MGST1: variants seen among roughly 807,000 people sequenced by gnomAD.
MGST1 encodes the protein microsomal glutathione S-transferase 1.
In MGST1, 5 loss-of-function variants were observed where a neutral mutation model predicts 8.9. That is an observed-to-expected ratio of 0.56 (90% confidence interval 0.29 to 1.19). The LOEUF (loss-of-function observed/expected upper bound fraction) is 1.19, where lower values mean the gene tolerates loss of function less well. Among genes scored for constraint, MGST1 ranks in the 50% most tolerant of loss-of-function variants. MGST1 has a pLI of 0.08. For missense variants in MGST1, 182 were observed against 187.4 expected, an observed-to-expected ratio of 0.97 and a Z score of 0.17; for synonymous variants, 54 against 67.8, an observed-to-expected ratio of 0.80 and a Z score of 1.00.
At chr12:16,380,058 G>A (rs951387722), downstream of MGST1, among the ~76,000 whole-genome samples, 23 of 150,370 alleles carry the variant, frequency 1.5e-4, no homozygotes, top group African/African-American at 2.9e-4. Flanking sequence ...TCTTGCTAGC[G>A]GTCTATCAAT....
chr12:16,541,586 TTTACA>T (rs1941793798), intron 4 of MGST1, among the ~76,000 whole-genome samples: 1 of 152,086 alleles, frequency 6.6e-6, no homozygotes, highest in Non-Finnish European at 1.5e-5. Context: ...AAATACTAAC[TTTACA>T]TTAAAAAGTT....
At chr12:16,562,894 T>C (rs371795874) in intron 4 of MGST1, among the ~76,000 whole-genome samples, 12 of 152,330 alleles carry the variant, frequency 7.9e-5, no homozygotes, top group African/African-American at 2.9e-4. Flanking sequence ...ACAAAACAGT[T>C]CTCTGACGTT....
chr12:16,389,475 G>A lies in MGST1; in HGVS notation n.778+5871G>A, dbSNP rs1300322721. 2.6e-5 allele frequency among the ~76,000 whole-genome samples: 4 copies of A among 152,112 alleles called. No homozygotes were observed. Among genetic ancestry groups the A allele is most frequent in the Admixed American group, 6.5e-5 (1 of 15,274 alleles). On this transcript the variant is annotated intron_variant and non_coding_transcript_variant, in intron 1 of 1. Transcript: ENST00000359720. This position sits in a 1 kb window ranked among gnomAD's most constrained non-coding sequence, Gnocchi z 4.6. ...ATGGGTCGGGTCAAATTGACGGCAC[G>A]GAACATTGCTTACTCTTGAAATTCC...
chr12:16,512,982 C>T (rs1020737240), intron 4 of MGST1, among the ~76,000 whole-genome samples: 5 of 152,162 alleles, frequency 3.3e-5, no homozygotes, highest in African/African-American at 1.2e-4. Flanking sequence ...GATATATCCC[C>T]AACCGTCTCT....
At chr12:16,377,213 G>A (rs1401607777), downstream of MGST1, 3 of 151,630 alleles carry the variant, frequency 2.0e-5, no homozygotes, top group Non-Finnish European at 4.4e-5. Context: ...TGTTACATAT[G>A]TATACATGTG....
intron 1 of MGST1, among the ~76,000 whole-genome samples, chr12:16,418,087 G>A (rs989563570): frequency 6.6e-6 from 1 of 152,092 alleles, no homozygotes; most frequent in Non-Finnish European, 1.5e-5. Context: ...GGAAAATAAA[G>A]GAGTCAAAGC....
intron 1 of MGST1, among the ~76,000 whole-genome samples, chr12:16,349,845 C>T (rs966058819): frequency 5.3e-5 from 8 of 150,994 alleles, no homozygotes; most frequent in East Asian, 2.0e-4. Context: ...CCCGGGTTCA[C>T]GCCATTCTCC....
intron 4 of MGST1, chr12:16,550,478 T>A (rs1263545559): frequency 1.3e-5 from 2 of 152,480 alleles, no homozygotes; most frequent in Non-Finnish European, 2.9e-5. Flanking sequence ...GGAAACCTGT[T>A]AAGCTTTAAA....
At chr12:16,380,496 G>T (rs9738116), downstream of MGST1, among the ~76,000 whole-genome samples, 91,869 of 151,980 alleles carry the variant, frequency 0.6, 28,532 homozygotes, top group East Asian at 0.96. Context: ...GATTGCACTG[G>T]GGTCTGAGAG....
chr12:16,502,049 T>C (rs1258101149), intron 4 of MGST1, among the ~76,000 whole-genome samples: 1 of 152,116 alleles, frequency 6.6e-6, no homozygotes, highest in African/African-American at 2.4e-5. Flanking sequence ...ACAGCTCAAA[T>C]CCGAACAAAT....
At chr12:16,483,348 T>A (rs1941377642) in intron 4 of MGST1, among the ~76,000 whole-genome samples, 1 of 152,024 alleles carries the variant, frequency 6.6e-6, no homozygotes, top group East Asian at 1.9e-4. Flanking sequence ...ATATGTATGA[T>A]AAAATCATAA....
At chr12:16,448,540 G>T (rs1941100986) in intron 4 of MGST1, among the ~76,000 whole-genome samples, 1 of 151,866 alleles carries the variant, frequency 6.6e-6, no homozygotes, top group Middle Eastern at 3.4e-3. Context: ...ATGGAGATTT[G>T]GGGCAAAAAT....
chr12:16,494,624 C>T (rs528658217), intron 4 of MGST1, among the ~76,000 whole-genome samples: 2 of 152,228 alleles, frequency 1.3e-5, no homozygotes, highest in South Asian at 2.1e-4. Context: ...CTCCACAGTT[C>T]AGAGGCCTTG....
intron 1 of MGST1, among the ~76,000 whole-genome samples, chr12:16,417,097 A>G (rs551724214): frequency 1.4e-4 from 21 of 152,180 alleles, no homozygotes; most frequent in Non-Finnish European, 1.0e-4. Context: ...GTGTTAGTTC[A>G]TTCTCATGCT....
chr12:16,543,622 T>G (rs1434885597), intron 4 of MGST1, among the ~76,000 whole-genome samples: 1 of 151,962 alleles, frequency 6.6e-6, no homozygotes, highest in Non-Finnish European at 1.5e-5. Flanking sequence ...TTAGATTGTT[T>G]CATTTAATCT....
intron 1 of MGST1, among the ~76,000 whole-genome samples, chr12:16,425,180 T>C (rs2058766): frequency 0.37 from 55,798 of 152,010 alleles, 10,388 homozygotes; most frequent in East Asian, 0.55. Flanking sequence ...TTTTGTACTT[T>C]ATCTACTTAA....
At chr12:16,523,580 A>T (rs1026431637) in intron 4 of MGST1, among the ~76,000 whole-genome samples, 9 of 152,042 alleles carry the variant, frequency 5.9e-5, no homozygotes, top group Non-Finnish European at 1.0e-4. Flanking sequence ...CTTAAAAAAA[A>T]TGCTTCACTG....
At chr12:16,394,214 G>C (rs1940578461) in intron 1 of MGST1, among the ~76,000 whole-genome samples, 1 of 152,156 alleles carries the variant, frequency 6.6e-6, no homozygotes. Context: ...ATTAGTGAAT[G>C]ATTAATAGTA....
chr12:16,553,955 A>C (rs75871506), intron 4 of MGST1, among the ~76,000 whole-genome samples: 2,626 of 152,142 alleles, frequency 0.017, 109 homozygotes, highest in Admixed American at 0.086. Context: ...AAATAAACAT[A>C]ATCTTTCTTG....
Sources: gnomAD v4.1 joint callset for allele counts (sites outside exome capture counted in the v4.1 genomes callset) on GRCh38, gnomAD v4.1.1 for gene constraint, Gnocchi (gnomAD v3.1) non-coding constraint, MANE v1.5 for transcripts, NCBI Gene and HGNC (gene_info 2026-07-23, HGNC 2026-07-21) for gene names.